APTX: variants seen among roughly 807,000 people sequenced by gnomAD.
APTX encodes forkhead-associated domain histidine triad-like protein.
APTX carries 33 observed loss-of-function variants against 42.3 expected under a neutral mutation model. The ratio of observed to expected loss-of-function variants is 0.78; its 90% CI spans 0.59 to 1.04. The LOEUF (loss-of-function observed/expected upper bound fraction) is 1.04, where lower values mean the gene tolerates loss of function less well. APTX is among the 50% of genes least tolerant of loss of function. APTX has a pLI of 0.00. For missense variants in APTX, 421 were observed against 415.1 expected, an observed-to-expected ratio of 1.01 and a Z score of -0.12; for synonymous variants, 130 against 146.7, an observed-to-expected ratio of 0.89 and a Z score of 0.82.
chr9:33,000,846 T>TTTTC (rs1836222986), intron 1 of APTX, among the ~76,000 whole-genome samples: 4 of 68,826 alleles, frequency 5.8e-5, no homozygotes, highest in Non-Finnish European at 1.3e-4. Flanking sequence ...TTTTTTTTTC[T>TTTTC]TTTTTTTTTT....
chr9:32,998,384 T>C (rs1222315161), intron 1 of APTX, among the ~76,000 whole-genome samples: 6 of 152,214 alleles, frequency 3.9e-5, no homozygotes, highest in Admixed American at 3.3e-4. Context: ...ATAGGTATAA[T>C]CATTTTATAA....
intron 1 of APTX, among the ~76,000 whole-genome samples, chr9:33,013,697 C>T (rs1435914520): frequency 6.6e-6 from 1 of 152,186 alleles, no homozygotes; most frequent in Non-Finnish European, 1.5e-5. Context: ...GTCACAGCTA[C>T]TCAGGAGGCT....
At chr9:33,016,593 A>G (rs926833599) in intron 1 of APTX, among the ~76,000 whole-genome samples, 2 of 152,210 alleles carry the variant, frequency 1.3e-5, no homozygotes, top group African/African-American at 4.8e-5. Flanking sequence ...AGCTTTAAAG[A>G]CAACACTATT....
At chr9:33,017,481 T>C (rs1837980078) in intron 1 of APTX, among the ~76,000 whole-genome samples, 1 of 135,874 alleles carries the variant, frequency 7.4e-6, no homozygotes, top group South Asian at 2.2e-4. Flanking sequence ...CCTGGGTTTC[T>C]TTTGTAAGGG....
chr9:33,017,576 T>C lies in APTX; in HGVS notation c.-5+7447A>G, dbSNP rs74397978. Among the ~76,000 whole-genome samples the C allele has an allele frequency of 6.9e-3, 1,048 of 152,270 alleles. 9 individuals carry two copies. The highest frequency in any genetic ancestry group is 0.024 in the African/African-American group (977 of 41,556). On this transcript the variant is annotated intron_variant, in intron 1 of 6. Coordinates refer to the APTX transcript ENST00000436040. The stretch of plus-strand genomic sequence containing the variant: ...GGGATTTCCAATTTATGAATTCTGA[T>C]AGGACACAAACATTCAGACCACAGC...
intron 1 of APTX, among the ~76,000 whole-genome samples, chr9:33,011,369 C>T (rs939654655): frequency 2.0e-5 from 3 of 151,462 alleles, no homozygotes; most frequent in Non-Finnish European, 4.4e-5. Flanking sequence ...CTCACTGCAA[C>T]CTCCGCCTCC....
Position 32,990,249 on chromosome 9 carries a change from G to A in APTX, c.-4-354C>T, listed in dbSNP as rs146481967. Among the ~76,000 whole-genome samples, 437 of 152,102 alleles carry A rather than the reference G, an allele frequency of 2.9e-3. 7 individuals are homozygous for A. In the East Asian group the frequency reaches 0.052, roughly 18 times the overall value. ...ACGCAGTGGCACAATCTCGGCTCAC[G>A]GCAACCTCCACCTTCCGGGTTCAAG... On this transcript the variant is annotated intron_variant, in intron 1 of 7. Coordinates refer to ENST00000379817, the MANE Select transcript of APTX (RefSeq NM_001195248.2).
At chr9:32,988,895 C>T (rs1013392227) in intron 2 of APTX, among the ~76,000 whole-genome samples, 1 of 152,128 alleles carries the variant, frequency 6.6e-6, no homozygotes, top group Admixed American at 6.5e-5. Flanking sequence ...AAGATGATTG[C>T]AGAGACAGAA....
At chr9:33,010,775 A>T (rs1488946956) in intron 1 of APTX, among the ~76,000 whole-genome samples, 1 of 152,128 alleles carries the variant, frequency 6.6e-6, no homozygotes, top group East Asian at 1.9e-4. Context: ...TGGGTGAGGC[A>T]GATCATAAGA....
intron 1 of APTX, chr9:33,019,935 C>A (rs1372505141): frequency 2.0e-6 from 1 of 493,384 alleles, no homozygotes; most frequent in South Asian, 3.7e-5. Flanking sequence ...GGGAAAGGCA[C>A]GCTGAGGGTG....
intron 1 of APTX, among the ~76,000 whole-genome samples, chr9:33,015,596 A>T (rs1837842113): frequency 6.6e-6 from 1 of 152,128 alleles, no homozygotes; most frequent in Middle Eastern, 3.2e-3. Context: ...TGATCTCATG[A>T]TCTGCCTGCC....
At chr9:33,021,960 T>TA (rs771015871) in intron 1 of APTX, among the ~76,000 whole-genome samples, 3,901 of 126,394 alleles carry the variant, frequency 0.031, 69 homozygotes, top group Non-Finnish European at 0.043. Context: ...GCTGTTAATT[T>TA]AAAAAAAAAA....
chr9:32,998,725 T>G (rs1835560841), intron 1 of APTX, among the ~76,000 whole-genome samples: 2 of 149,594 alleles, frequency 1.3e-5, no homozygotes, highest in East Asian at 2.0e-4. Flanking sequence ...TGTCAGGGGG[T>G]GAGGGGCTAG....
At chr9:33,021,006 G>A (rs948104721) in intron 1 of APTX, among the ~76,000 whole-genome samples, 12 of 152,162 alleles carry the variant, frequency 7.9e-5, no homozygotes, top group African/African-American at 2.4e-4. Context: ...GAACATGCCT[G>A]TAATCCCAGC....
chr9:32,985,864 C>A (rs2118731074), intron 5 of APTX, 107 bp downstream of exon 5: 2 of 1,053,564 alleles, frequency 1.9e-6, no homozygotes, highest in East Asian at 4.7e-5. Context: ...TAAAATGAAT[C>A]TCATTCAGAA....
Position 32,989,837 on chromosome 9 carries a change from G to C in APTX, c.55C>G (p.Leu19Val). 1 of 1,614,232 alleles carries C rather than the reference G, an allele frequency of 6.2e-7. No homozygotes were observed. Among genetic ancestry groups the C allele is most frequent in the South Asian group, 1.1e-5 (1 of 91,090 alleles). ...ATCACAACTGCTTCCAAATGTGGAA[G>C]TCTGATTCGCTGGTGCCGGCTGTCC... ...RQDSRHQRIRLPHLEAVVIGR... is the reference protein window; with the variant it reads ...RQDSRHQRIRVPHLEAVVIGR... Residue 19 changes from leucine (L) to valine (V), a missense_variant, in exon 2 of 8, where the codon CTT (leucine) becomes GTT (valine). Leu to Val is a conservative substitution (Grantham distance 32). Coordinates refer to ENST00000379817, the MANE Select transcript of APTX (RefSeq NM_001195248.2).
upstream of APTX, chr9:33,001,648 C>T (rs2119152259): frequency 1.2e-6 from 2 of 1,611,510 alleles, no homozygotes; most frequent in Non-Finnish European, 1.7e-6. Context: ...CGTCAGAGGC[C>T]GGCTGTATCG....
intron 1 of APTX, chr9:33,019,941 G>C (rs1228995568): frequency 4.2e-6 from 2 of 478,564 alleles, no homozygotes; most frequent in Admixed American, 7.7e-5. Flanking sequence ...GGCACGCTGA[G>C]GGTGAATATG....
intron 1 of APTX, 172 bp downstream of exon 1, chr9:33,001,395 G>C (rs775829713): frequency 1.3e-6 from 2 of 1,533,758 alleles, no homozygotes; most frequent in South Asian, 1.2e-5. Context: ...AGCGCCCGCT[G>C]AAACAGCCCA....
Sources: allele counts gnomAD v4.1 joint callset (sites outside exome capture counted in the v4.1 genomes callset), GRCh38; gene constraint gnomAD v4.1.1; transcripts MANE v1.5; gene names NCBI Gene and HGNC (gene_info 2026-07-23, HGNC 2026-07-21).